ANKRD27: variants seen among roughly 807,000 people sequenced by gnomAD.
ANKRD27 encodes ankyrin repeat domain-containing protein 27.
ANKRD27 carries 112 observed loss-of-function variants against 129.7 expected under a neutral mutation model. That is an observed-to-expected ratio of 0.86 (90% confidence interval 0.74 to 1.01). The LOEUF (loss-of-function observed/expected upper bound fraction) is 1.01, where lower values mean the gene tolerates loss of function less well. ANKRD27 is among the 50% of genes least tolerant of loss of function. The pLI, the probability that ANKRD27 is intolerant of heterozygous loss-of-function variation, is 0.00. For synonymous variants in ANKRD27, 516 were observed against 511.2 expected (o/e 1.01, Z -0.13); for missense variants, 1,258 against 1,300.5 (o/e 0.97, Z 0.50).
chr19:32,638,970 G>C, intron 12 of ANKRD27: 1 of 344,842 alleles, frequency 2.9e-6, no homozygotes, highest in Non-Finnish European at 5.2e-6. Flanking sequence ...TCAGGCAAAG[G>C]AGCCACCAGC....
chr19:32,629,462 G>A (rs1966950994), intron 13 of ANKRD27, among the ~76,000 whole-genome samples: 2 of 152,118 alleles, frequency 1.3e-5, no homozygotes, highest in African/African-American at 4.8e-5. Context: ...CACTTTGGGA[G>A]GCCAAGGCAG....
At chr19:32,673,386 G>T (rs750892275) in intron 1 of ANKRD27, 1 of 985,094 alleles carries the variant, frequency 1.0e-6, no homozygotes, top group African/African-American at 1.7e-5. Context: ...TTTCACTCAC[G>T]CCTGTCCACC....
chr19:32,639,967 A>ATT (rs35449858), intron 11 of ANKRD27, among the ~76,000 whole-genome samples: 1 of 147,224 alleles, frequency 6.8e-6, no homozygotes. Flanking sequence ...CAGTGCTGCC[A>ATT]TTTTTTTTTT....
chr19:32,625,765 C>T (rs1972079180), intron 17 of ANKRD27, 109 bp downstream of exon 17: 2 of 961,362 alleles, frequency 2.1e-6, no homozygotes, highest in Admixed American at 3.6e-5. Flanking sequence ...ATTTACACAC[C>T]CAATGTTCCA....
At chr19:32,600,180 T>G in intron 26 of ANKRD27, 130 bp from the exon 27 acceptor site, 1 of 693,594 alleles carries the variant, frequency 1.4e-6, no homozygotes. Flanking sequence ...CTGAATTTGC[T>G]TAAAGAAACA....
intron 26 of ANKRD27, among the ~76,000 whole-genome samples, chr19:32,600,686 T>C (rs1223709793): frequency 1.3e-5 from 2 of 152,154 alleles, no homozygotes; most frequent in African/African-American, 4.8e-5. Context: ...GCATTTGAGA[T>C]AGGGGGTAGT....
intron 1 of ANKRD27, among the ~76,000 whole-genome samples, chr19:32,670,800 T>C (rs1397066528): frequency 1.3e-5 from 2 of 152,154 alleles, no homozygotes; most frequent in Non-Finnish European, 2.9e-5. Flanking sequence ...AAGACCAGCC[T>C]GGCCAACATG....
chr19:32,642,294 C>G, intron 9 of ANKRD27, 149 bp from the exon 10 acceptor site: 1 of 717,098 alleles, frequency 1.4e-6, no homozygotes, highest in East Asian at 3.2e-5. Flanking sequence ...TCATCTGACT[C>G]AAGTCAGCGG....
chr19:32,659,716 C>T (rs1197831736), intron 1 of ANKRD27, among the ~76,000 whole-genome samples: 1 of 152,026 alleles, frequency 6.6e-6, no homozygotes, highest in Non-Finnish European at 1.5e-5. Flanking sequence ...GGAATCGTCA[C>T]ATTTTGCCAT....
Position 32,658,983 on chromosome 19 carries a change from A to T in ANKRD27, c.33T>A (p.Asn11Lys). ...ACTTTTGCAGAGCCAGATAGAAAGG[A>T]TTTTTCAGGAGGTCTTCATCATACA... MALYDEDLLK[N>K]PFYLALQKCR... Residue 11 changes from asparagine (N) to lysine (K), a missense_variant, in exon 2 of 29, where the codon AAT (asparagine) becomes AAA (lysine). Transcript: ENST00000306065. 1 of 1,613,928 alleles carries T rather than the reference A, an allele frequency of 6.2e-7. No individual in the cohort carries two copies. The highest frequency in any genetic ancestry group is 8.5e-7 in the Non-Finnish European group (1 of 1,179,982).
intron 1 of ANKRD27, among the ~76,000 whole-genome samples, chr19:32,668,696 C>G (rs906737962): frequency 6.6e-6 from 1 of 151,912 alleles, no homozygotes; most frequent in African/African-American, 2.4e-5. Context: ...AGCAATCCTC[C>G]TGTCTCGGAC....
intron 1 of ANKRD27, among the ~76,000 whole-genome samples, chr19:32,662,767 G>A (rs1967670711): frequency 6.6e-6 from 1 of 151,984 alleles, no homozygotes; most frequent in Non-Finnish European, 1.5e-5. Flanking sequence ...AAAAGGCCAG[G>A]CACGGTGGCT....
At chr19:32,665,463 TTTG>T (rs1967734735) in intron 1 of ANKRD27, among the ~76,000 whole-genome samples, 6 of 43,826 alleles carry the variant, frequency 1.4e-4, no homozygotes, top group Non-Finnish European at 4.8e-4. Flanking sequence ...CTAATTTTTG[TTTG>T]TTTGTTTGTT....
At chr19:32,658,323 C>T (rs897251297) in intron 2 of ANKRD27, among the ~76,000 whole-genome samples, 1 of 152,220 alleles carries the variant, frequency 6.6e-6, no homozygotes, top group South Asian at 2.1e-4. Flanking sequence ...GGCCCGCCCC[C>T]GTCCAGGCAG....
intron 21 of ANKRD27, among the ~76,000 whole-genome samples, chr19:32,616,847 G>A (rs985802965): frequency 1.2e-4 from 19 of 152,266 alleles, no homozygotes; most frequent in African/African-American, 4.6e-4. Context: ...AGCTTCTGCA[G>A]AACCTCACAA....
intron 12 of ANKRD27, 148 bp from the exon 13 acceptor site, chr19:32,631,642 G>A (rs1568407239): frequency 1.5e-6 from 1 of 673,556 alleles, no homozygotes. Context: ...CTGAGACGGA[G>A]GACGGGCTGA....
chr19:32,599,607 T>A, intron 28 of ANKRD27, 97 bp downstream of exon 28: 1 of 1,095,778 alleles, frequency 9.1e-7, no homozygotes, highest in Non-Finnish European at 1.4e-6. Flanking sequence ...CACGGAATAA[T>A]GAAGATGACG....
intron 1 of ANKRD27, among the ~76,000 whole-genome samples, chr19:32,671,990 G>A (rs1490855774): frequency 6.6e-6 from 1 of 152,092 alleles, no homozygotes; most frequent in Non-Finnish European, 1.5e-5. Context: ...GTGGTTTTGT[G>A]GTCTTCAACC....
At chr19:32,648,574 G>T (rs972433155) in intron 3 of ANKRD27, among the ~76,000 whole-genome samples, 1 of 152,214 alleles carries the variant, frequency 6.6e-6, no homozygotes, top group African/African-American at 2.4e-5. Flanking sequence ...GCCGAGGCGG[G>T]TGGATCATGA....
Sources: allele counts gnomAD v4.1 joint callset (sites outside exome capture counted in the v4.1 genomes callset), GRCh38; gene constraint gnomAD v4.1.1; transcripts MANE v1.5; gene names NCBI Gene and HGNC (gene_info 2026-07-23, HGNC 2026-07-21).